Variants in FAM227A observed in about 807,000 individuals in gnomAD.
FAM227A encodes protein FAM227A.
Under a neutral mutation model 74.7 loss-of-function variants are expected in FAM227A, and 80 were observed. The ratio of observed to expected loss-of-function variants is 1.07; its 90% CI spans 0.89 to 1.29. The LOEUF is 1.29. Among genes scored for constraint, FAM227A ranks in the 50% most tolerant of loss-of-function variants. The pLI, the probability that FAM227A is intolerant of heterozygous loss-of-function variation, is 0.00. For synonymous variants in FAM227A, 237 were observed against 241.8 expected, an observed-to-expected ratio of 0.98 and a Z score of 0.19; for missense variants, 654 against 683.4, an observed-to-expected ratio of 0.96 and a Z score of 0.48.
At chr22:38,586,669 A>AT in intron 16 of FAM227A, among the ~76,000 whole-genome samples, 1 of 152,064 alleles carries the variant, frequency 6.6e-6, no homozygotes, top group East Asian at 1.9e-4. Context: ...CATTACATTT[A>AT]TTTTTTTCTT....
rs535133390 is a variant in FAM227A, at chr22:38,649,333, G to C, written c.142+694C>G. 1.2e-3 allele frequency among the ~76,000 whole-genome samples: 180 copies of C among 152,296 alleles called. No individual in the cohort carries two copies. In the Middle Eastern group the frequency reaches 0.014, roughly 12 times the overall value. On this transcript the variant is annotated intron_variant, in intron 2 of 16. Coordinates refer to ENST00000535113, the MANE Select transcript of FAM227A (RefSeq NM_001013647.2). ...TAATCCCAGCACTTTGGGAGGTCAA[G>C]GCGGGCAGATCACCTGAGGTCAGGA...
intron 16 of FAM227A, among the ~76,000 whole-genome samples, chr22:38,589,443 T>G (rs1300655134): frequency 6.6e-6 from 1 of 152,132 alleles, no homozygotes; most frequent in African/African-American, 2.4e-5. Flanking sequence ...GGTCTGACAA[T>G]TGACTATCAT....
At chr22:38,617,179 A>G (rs2091595844) in intron 11 of FAM227A, among the ~76,000 whole-genome samples, 1 of 152,108 alleles carries the variant, frequency 6.6e-6, no homozygotes, top group Non-Finnish European at 1.5e-5. Flanking sequence ...GAATGTCTGC[A>G]AGAAGGCACC....
rs1602808668 is a variant in FAM227A at position 38,583,097 on chromosome 22, T to G, written c.*3028A>C. 2 of 816,062 alleles carry G rather than the reference T, an allele frequency of 2.5e-6. No individual in the cohort carries two copies. Among genetic ancestry groups the G allele is most frequent in the Non-Finnish European group, 1.9e-6 (1 of 522,312 alleles). The allele number at this position is 816,062 out of a possible 1,614,324, so 50.6% of individuals were successfully genotyped here. On this transcript the variant is annotated 3_prime_UTR_variant, in exon 17 of 17. Transcript: ENST00000535113. ...GGGTAGTAAAGGGAAGGTGAGAGAG[T>G]GTTCTGCTTATCTGCCCCACATGGT...
rs915422745 is a variant in FAM227A, at chr22:38,579,708, C to T, written c.*6417G>A. 1.3e-5 allele frequency: 2 copies of T among 152,096 alleles called. No individual in the cohort carries two copies. Among genetic ancestry groups the T allele is most frequent in the Non-Finnish European group, 2.9e-5 (2 of 68,024 alleles). The allele number at this position is 152,096 out of a possible 1,614,324, so 9.4% of individuals were successfully genotyped here. On this transcript the variant is annotated 3_prime_UTR_variant, in exon 17 of 17. Coordinates refer to ENST00000535113, the MANE Select transcript of FAM227A (RefSeq NM_001013647.2). Reference sequence around the variant, plus strand: ...TCCCATATTATTTGAGTACAAATTCCATAAATCTTGTAATTCCATCTGTGA... The same window carrying T: ...TCCCATATTATTTGAGTACAAATTCTATAAATCTTGTAATTCCATCTGTGA...
chr22:38,655,640 GCTTT>G (rs377309462), intron 1 of FAM227A, among the ~76,000 whole-genome samples: 28 of 152,222 alleles, frequency 1.8e-4, no homozygotes, highest in Admixed American at 8.5e-4. Context: ...ATTTCACTTG[GCTTT>G]CTTTTTTACT....
At chr22:38,639,240 T>C (rs1318442830) in intron 4 of FAM227A, among the ~76,000 whole-genome samples, 1 of 151,806 alleles carries the variant, frequency 6.6e-6, no homozygotes, top group African/African-American at 2.4e-5. Context: ...TAAAACCCCA[T>C]CTCTACTAAA....
chr22:38,636,430 C>A, intron 6 of FAM227A, 21 bp downstream of exon 6: 1 of 1,549,092 alleles, frequency 6.5e-7, no homozygotes, highest in Middle Eastern at 1.9e-4. Flanking sequence ...AAACTCAGGG[C>A]AGGCACTGCT....
intron 8 of FAM227A, among the ~76,000 whole-genome samples, chr22:38,627,585 GGAAAGGGAAAGTTTTTTT>G (rs2091835130): frequency 6.6e-6 from 1 of 151,362 alleles, no homozygotes; most frequent in Non-Finnish European, 1.5e-5. Context: ...ATAATAAAAT[GGAAAGGGAAAGTTTTTTT>G]TTTGTTTGTT....
intron 12 of FAM227A, among the ~76,000 whole-genome samples, chr22:38,606,544 T>C (rs2091288299): frequency 6.6e-6 from 1 of 152,180 alleles, no homozygotes; most frequent in Non-Finnish European, 1.5e-5. Flanking sequence ...CCCTTCCCCA[T>C]GCTCCTTTCT....
intron 6 of FAM227A, among the ~76,000 whole-genome samples, chr22:38,629,619 G>A (rs1010217035): frequency 6.6e-6 from 1 of 152,270 alleles, no homozygotes; most frequent in Non-Finnish European, 1.5e-5. Context: ...GGGCCAGGAG[G>A]TTCCAAAGCG....
chr22:38,623,295 AGAGT>A lies in FAM227A; in HGVS notation c.851-20_851-17del. 6.5e-7 allele frequency: 1 copy of A among 1,527,564 alleles called. No homozygotes were observed. The allele number at this position is 1,527,564 out of a possible 1,614,324, so 94.6% of individuals were successfully genotyped here. A position where few individuals can be genotyped will look rare whatever the true frequency, so the allele number is the denominator to read the frequency against. The stretch of plus-strand genomic sequence containing the variant: ...GGATAGGTGCCTAAGGGAGGAGTCA[AGAGT>A]GAGAATGGGGCCGGGTGCGGTGGAT... On this transcript the variant is annotated splice_polypyrimidine_tract_variant and intron_variant, in intron 9 of 16. Coordinates refer to ENST00000535113, the MANE Select transcript of FAM227A (RefSeq NM_001013647.2).
chr22:38,609,493 A>G (rs1377756980), intron 11 of FAM227A, among the ~76,000 whole-genome samples: 1 of 152,130 alleles, frequency 6.6e-6, no homozygotes, highest in Non-Finnish European at 1.5e-5. Flanking sequence ...CCAAGGAGAG[A>G]AGACATTTGC....
At chr22:38,591,945 CTTTT>C (rs1332250146) in intron 15 of FAM227A, among the ~76,000 whole-genome samples, 3 of 151,398 alleles carry the variant, frequency 2.0e-5, no homozygotes. Context: ...TCAACAATAT[CTTTT>C]TTTCTTTTTT....
In FAM227A at chr22:38,652,444, C is replaced by T. The variant is rs191747549; in HGVS notation, c.-94-2182G>A. 5.1e-3 allele frequency among the ~76,000 whole-genome samples: 762 copies of T among 148,940 alleles called. 4 individuals carry two copies. The highest frequency in any genetic ancestry group is 8.6e-3 in the Non-Finnish European group (577 of 67,312). On this transcript the variant is annotated intron_variant, in intron 1 of 16. Transcript: ENST00000535113. ...CTACTAAAAAATACAAAAAATTAGC[C>T]GGGCATGGTGGCGGGCACCTACAGT... is the stretch of plus-strand genomic sequence containing the variant.
At chr22:38,652,316 C>CAAA (rs2092334055) in intron 1 of FAM227A, among the ~76,000 whole-genome samples, 1 of 150,674 alleles carries the variant, frequency 6.6e-6, no homozygotes, top group Non-Finnish European at 1.5e-5. Context: ...AGGCCAGGCG[C>CAAA]AGTGGCTCAC....
At chr22:38,613,089 T>TATATATTATATATATGTAA (rs1555959690) in intron 11 of FAM227A, among the ~76,000 whole-genome samples, 6 of 98,340 alleles carry the variant, frequency 6.1e-5, no homozygotes, top group African/African-American at 2.6e-4. Flanking sequence ...TAATTATATA[T>TATATATTATATATATGTAA]ATATATTATA....
At chr22:38,612,758 G>A (rs1174519739) in intron 11 of FAM227A, among the ~76,000 whole-genome samples, 1 of 151,926 alleles carries the variant, frequency 6.6e-6, no homozygotes, top group Non-Finnish European at 1.5e-5. Flanking sequence ...TCAAGGAGTA[G>A]AGTAGAACTT....
intron 11 of FAM227A, among the ~76,000 whole-genome samples, chr22:38,611,395 T>TG (rs2091411225): frequency 6.6e-6 from 1 of 152,182 alleles, no homozygotes; most frequent in Admixed American, 6.6e-5. Flanking sequence ...TTAGCAGGTA[T>TG]GGGCAAGAGC....
Sources: gnomAD v4.1 joint callset for allele counts (sites outside exome capture counted in the v4.1 genomes callset) on GRCh38, gnomAD v4.1.1 for gene constraint, MANE v1.5 for transcripts, NCBI Gene and HGNC (gene_info 2026-07-23, HGNC 2026-07-21) for gene names.